The following DLEC1 variants were observed in gnomAD, a reference collection of about 807,000 sequenced individuals.
DLEC1 encodes the protein deleted in lung and esophageal cancer protein 1.
Under a neutral mutation model 198.1 loss-of-function variants are expected in DLEC1, and 146 were observed. That is an observed-to-expected ratio of 0.74 (90% CI 0.64 to 0.85). DLEC1 has a LOEUF of 0.85. DLEC1 is among the 40% of genes least tolerant of loss of function. The pLI is 0.00. For missense variants in DLEC1, 2,233 were observed against 2,220.0 expected, an observed-to-expected ratio of 1.01 and a Z score of -0.12; for synonymous variants, 897 against 866.8, an observed-to-expected ratio of 1.03 and a Z score of -0.61.
chr3:38,120,651 G>A, intron 34 of DLEC1, 42 bp downstream of exon 34: 7 of 1,610,036 alleles, frequency 4.3e-6, no homozygotes, highest in Non-Finnish European at 5.9e-6. Context: ...GGGTGGAAGT[G>A]GGCTGGGCTG....
chr3:38,065,347 AGGAGAGGGAGACTGTGCAGAGGGAGAG>A (rs1696969605), intron 6 of DLEC1, among the ~76,000 whole-genome samples: 1 of 147,808 alleles, frequency 6.8e-6, no homozygotes, highest in Admixed American at 6.7e-5. Context: ...AGGGAGAGGG[AGGAGAGGGAGACTGTGCAGAGGGAGAG>A]GGAGAGGGAG....
intron 6 of DLEC1, among the ~76,000 whole-genome samples, chr3:38,064,612 C>A (rs1405441336): frequency 6.7e-6 from 1 of 148,256 alleles, no homozygotes; most frequent in Non-Finnish European, 1.5e-5. Context: ...CCACCACCTC[C>A]CGGGAAGGGC....
At chr3:38,069,992 G>A (rs892966873) in intron 6 of DLEC1, among the ~76,000 whole-genome samples, 7 of 152,190 alleles carry the variant, frequency 4.6e-5, no homozygotes, top group African/African-American at 1.4e-4. Context: ...CTTAAGCTGG[G>A]TGATGGAAAC....
In DLEC1 at chr3:38,117,569, G is replaced by T; in HGVS notation, c.4443G>T (p.Gln1481His). ...ELDYGGSMEF[Q>H]CQASDLIPEQ... ...ACTACGGCGGCAGTATGGAATTCCA[G>T]TGCCAGGCCAGTGACCTCATTCCCG... is the stretch of plus-strand genomic sequence containing the variant. The change falls in exon 32 of 37, where the codon CAG becomes CAT. Residue 1481 changes from glutamine to histidine, a missense_variant. By Grantham distance (24) the Gln-to-His change is conservative. Transcript: ENST00000308059. 3.1e-6 allele frequency: 5 copies of T among 1,614,172 alleles called. No homozygotes were observed. The highest frequency in any genetic ancestry group is 4.2e-6 in the Non-Finnish European group (5 of 1,179,998).
intron 6 of DLEC1, among the ~76,000 whole-genome samples, chr3:38,070,048 C>T (rs1192070602): frequency 2.0e-5 from 3 of 152,142 alleles, no homozygotes; most frequent in Admixed American, 6.5e-5. Context: ...TCTAGTGTAA[C>T]ATTTCACAAA....
At chr3:38,085,225 G>C in intron 7 of DLEC1, 49 bp from the exon 8 acceptor site, 15 of 1,607,640 alleles carry the variant, frequency 9.3e-6, no homozygotes, top group Non-Finnish European at 1.3e-5. Flanking sequence ...TCAAGCCCTG[G>C]TGGCTGGCTG....
At chr3:38,111,156 A>G (rs1182943566) in intron 23 of DLEC1, among the ~76,000 whole-genome samples, 2 of 152,154 alleles carry the variant, frequency 1.3e-5, no homozygotes, top group Non-Finnish European at 2.9e-5. Context: ...ACACCTCACC[A>G]CCTAATCTAG....
intron 27 of DLEC1, among the ~76,000 whole-genome samples, chr3:38,116,019 A>G (rs1356897945): frequency 1.1e-4 from 16 of 152,084 alleles, no homozygotes. Flanking sequence ...GGCAAGACAG[A>G]GGTGGACATG....
At chr3:38,114,494 G>A (rs754321206) in intron 26 of DLEC1, 34 bp downstream of exon 26, 4 of 1,606,412 alleles carry the variant, frequency 2.5e-6, no homozygotes, top group Non-Finnish European at 3.4e-6. Flanking sequence ...TCTGCTCCCT[G>A]GTAGCCCCTG....
chr3:38,122,368 C>G lies in DLEC1; in HGVS notation c.5224C>G (p.Gln1742Glu). ...EKSCTLRLRG[Q>E]GSYDERYMLP... ...GTCCTGCACCCTGCGGCTCCGGGGCCAAGGCTCCTATGATGAGAGATACAT... is the reference window on the plus strand; with the variant it reads ...GTCCTGCACCCTGCGGCTCCGGGGCGAAGGCTCCTATGATGAGAGATACAT... The change falls in exon 37 of 37, where the codon CAA (glutamine) becomes GAA (glutamate). Residue 1742 changes from glutamine (Q) to glutamate (E), a missense_variant. By Grantham distance (29) the Gln-to-Glu change is conservative. Transcript: ENST00000308059. 6.2e-7 allele frequency: 1 copy of G among 1,614,186 alleles called. No individual in the cohort carries two copies. Among genetic ancestry groups the G allele is most frequent in the Non-Finnish European group, 8.5e-7 (1 of 1,180,026 alleles).
intron 2 of DLEC1, chr3:38,052,383 C>A (rs890458567): frequency 7.0e-6 from 2 of 287,424 alleles, no homozygotes; most frequent in Middle Eastern, 5.3e-4. Context: ...TTGAATGTTG[C>A]TGGAATGGTT....
chr3:38,077,347 G>C (rs1359435999), intron 6 of DLEC1, among the ~76,000 whole-genome samples: 1 of 152,194 alleles, frequency 6.6e-6, no homozygotes, highest in African/African-American at 2.4e-5. Flanking sequence ...TCCAGTGTCT[G>C]GAATGAGACT....
At chr3:38,053,151 T>A (rs546133017) in intron 2 of DLEC1, among the ~76,000 whole-genome samples, 54 of 152,250 alleles carry the variant, frequency 3.5e-4, no homozygotes, top group Admixed American at 1.3e-3. Context: ...AACCTCCACC[T>A]CCCAGCCGCC....
At chr3:38,080,594 G>A (rs1263026896) in intron 6 of DLEC1, among the ~76,000 whole-genome samples, 5 of 152,120 alleles carry the variant, frequency 3.3e-5, no homozygotes, top group Non-Finnish European at 7.3e-5. Context: ...AACTACTGTC[G>A]AGTTTGTATT....
At chr3:38,099,677 A>T (rs1326067420) in intron 18 of DLEC1, among the ~76,000 whole-genome samples, 1 of 151,134 alleles carries the variant, frequency 6.6e-6, no homozygotes. Context: ...TGGAATGTAA[A>T]GAGCCCTCCC....
intron 14 of DLEC1, among the ~76,000 whole-genome samples, chr3:38,096,219 G>C (rs1699010013): frequency 6.6e-6 from 1 of 152,216 alleles, no homozygotes; most frequent in Admixed American, 6.5e-5. Flanking sequence ...AAACTGGGGG[G>C]CCCTCGGTGG....
Position 38,112,930 on chromosome 3 carries a change from T to C in DLEC1, c.3666+569T>C, listed in dbSNP as rs1049124646. Among the ~76,000 whole-genome samples the C allele has an allele frequency of 2.6e-5, 4 of 152,232 alleles. No homozygotes were observed. The highest frequency in any genetic ancestry group is 9.6e-5 in the African/African-American group (4 of 41,460). ...CTGCATACGTTATCCTACCGTTAAG[T>C]TGTTAAATAGAAGATTTTCATGAAC... On this transcript the variant is annotated intron_variant, in intron 25 of 36. Transcript: ENST00000308059. This position sits in a 1 kb window ranked among gnomAD's most constrained non-coding sequence, Gnocchi z 4.8.
chr3:38,116,331 AC>A (rs1370510711), intron 27 of DLEC1, 121 bp from the exon 28 acceptor site: 5 of 892,512 alleles, frequency 5.6e-6, no homozygotes, highest in Middle Eastern at 2.3e-4. Flanking sequence ...GCAGAGAGGC[AC>A]CCCCTCCACC....
intron 33 of DLEC1, 73 bp downstream of exon 33, chr3:38,118,097 C>T (rs1330091495): frequency 6.7e-7 from 1 of 1,496,494 alleles, no homozygotes; most frequent in Non-Finnish European, 9.0e-7. Context: ...CCCCTGCACG[C>T]CACCCTCAGG....
Sources: gnomAD v4.1 joint callset for allele counts (sites outside exome capture counted in the v4.1 genomes callset) on GRCh38, gnomAD v4.1.1 for gene constraint, Gnocchi (gnomAD v3.1) non-coding constraint, MANE v1.5 for transcripts, NCBI Gene and HGNC (gene_info 2026-07-23, HGNC 2026-07-21) for gene names.